Variants in NRG3 observed in about 807,000 individuals in gnomAD.
NRG3 encodes pro-neuregulin-3, membrane-bound isoform.
NRG3 carries 31 observed loss-of-function variants against 66.9 expected under a neutral mutation model. The ratio of observed to expected loss-of-function variants is 0.46; its 90% CI spans 0.35 to 0.63. The LOEUF (loss-of-function observed/expected upper bound fraction) is 0.63, where lower values mean the gene tolerates loss of function less well. Ranked by LOEUF, NRG3 falls within the 20% of genes least tolerant of loss-of-function variation. The pLI is 0.00. For synonymous variants in NRG3, 393 were observed against 359.4 expected, an observed-to-expected ratio of 1.09 and a Z score of -1.06; for missense variants, 910 against 878.9, an observed-to-expected ratio of 1.04 and a Z score of -0.45.
chr10:82,418,793 G>A (rs1448231966), intron 2 of NRG3, among the ~76,000 whole-genome samples: 1 of 151,474 alleles, frequency 6.6e-6, no homozygotes, highest in Admixed American at 6.6e-5. Context: ...TGGAGACAGA[G>A]TCTCCCTATG....
At position 82,960,227 on chromosome 10, in the gene NRG3, T is replaced by C. The variant is rs576032413; in HGVS notation, c.1284+1152T>C. On this transcript the variant is annotated intron_variant, in intron 6 of 8. Transcript: ENST00000372141. ...TTTGTTAAACTTCTATTCATGGCAA[T>C]GTGCAGGAATTGTTCATTTCAGAAA... 6.4e-4 allele frequency among the ~76,000 whole-genome samples: 98 copies of C among 152,346 alleles called. No individual in the cohort carries two copies. The Middle Eastern group carries it at 0.024, about 37-fold the overall frequency.
At chr10:82,038,426 T>G (rs755765925) in intron 1 of NRG3, among the ~76,000 whole-genome samples, 2 of 152,122 alleles carry the variant, frequency 1.3e-5, no homozygotes, top group African/African-American at 4.8e-5. Flanking sequence ...TTTTACCATT[T>G]TACCCACTTT....
At chr10:82,361,065 G>A (rs907681943) in intron 2 of NRG3, among the ~76,000 whole-genome samples, 4 of 152,018 alleles carry the variant, frequency 2.6e-5, no homozygotes, top group Admixed American at 2.0e-4. Context: ...CTTCATGTAG[G>A]GATTTTATAT....
intron 1 of NRG3, among the ~76,000 whole-genome samples, chr10:82,356,996 T>C (rs1355539736): frequency 6.6e-6 from 1 of 152,060 alleles, no homozygotes; most frequent in Non-Finnish European, 1.5e-5. Context: ...AAGGAACAGA[T>C]AAAACAAAGA....
chr10:82,922,173 A>G (rs1846490513), intron 4 of NRG3, among the ~76,000 whole-genome samples: 2 of 152,214 alleles, frequency 1.3e-5, no homozygotes, highest in Non-Finnish European at 2.9e-5. Flanking sequence ...CTATATATAT[A>G]TATGTACATA....
intron 2 of NRG3, among the ~76,000 whole-genome samples, chr10:82,426,610 A>ATTAT (rs2089460158): frequency 1.2e-5 from 1 of 81,698 alleles, no homozygotes; most frequent in African/African-American, 8.2e-5. Context: ...TATTATTATT[A>ATTAT]TTATTATTAT....
At chr10:82,148,938 G>A (rs985628350) in intron 1 of NRG3, among the ~76,000 whole-genome samples, 3 of 151,988 alleles carry the variant, frequency 2.0e-5, no homozygotes, top group African/African-American at 7.3e-5. Context: ...ATATAAATGA[G>A]TGAACCACCA....
chr10:82,060,268 T>C (rs2064072399), intron 1 of NRG3, among the ~76,000 whole-genome samples: 1 of 152,200 alleles, frequency 6.6e-6, no homozygotes, highest in East Asian at 1.9e-4. Flanking sequence ...AAGCACAATG[T>C]AGGTACACAA....
At chr10:82,726,221 C>A (rs2057588443) in intron 2 of NRG3, among the ~76,000 whole-genome samples, 1 of 152,172 alleles carries the variant, frequency 6.6e-6, no homozygotes, top group Non-Finnish European at 1.5e-5. Context: ...GCAGCCCAAC[C>A]TGATTTATAC....
chr10:82,200,423 C>A (rs766418212), intron 1 of NRG3, among the ~76,000 whole-genome samples: 1 of 152,086 alleles, frequency 6.6e-6, no homozygotes, highest in Non-Finnish European at 1.5e-5. Flanking sequence ...TGTTTTCATG[C>A]ATATTTTTGT....
intron 1 of NRG3, among the ~76,000 whole-genome samples, chr10:82,099,558 T>C (rs1378283987): frequency 1.3e-5 from 2 of 152,222 alleles, no homozygotes; most frequent in African/African-American, 4.8e-5. Context: ...TCTCATTCCC[T>C]TGACTTTCTG....
intron 2 of NRG3, among the ~76,000 whole-genome samples, chr10:82,476,904 G>T (rs553272291): frequency 6.6e-6 from 1 of 152,188 alleles, no homozygotes; most frequent in African/African-American, 2.4e-5. Flanking sequence ...TTTTTGAAAA[G>T]AATCAAAATA....
At chr10:82,021,256 A>C (rs977932826) in intron 1 of NRG3, among the ~76,000 whole-genome samples, 2 of 152,060 alleles carry the variant, frequency 1.3e-5, no homozygotes, top group African/African-American at 4.8e-5. Flanking sequence ...CATGGTAAGC[A>C]AGGCTGCCTG....
intron 2 of NRG3, among the ~76,000 whole-genome samples, chr10:82,507,338 T>C (rs1190394219): frequency 6.6e-6 from 1 of 151,718 alleles, no homozygotes; most frequent in African/African-American, 2.4e-5. Context: ...GAGAGAGAAG[T>C]GAGGTGAGAA....
At chr10:82,394,463 A>G (rs894354000) in intron 2 of NRG3, among the ~76,000 whole-genome samples, 1 of 152,122 alleles carries the variant, frequency 6.6e-6, no homozygotes, top group African/African-American at 2.4e-5. Flanking sequence ...AGACATCCAC[A>G]GTCTGGGATA....
At chr10:82,024,440 T>C (rs1166036561) in intron 1 of NRG3, among the ~76,000 whole-genome samples, 1 of 152,088 alleles carries the variant, frequency 6.6e-6, no homozygotes, top group Non-Finnish European at 1.5e-5. Flanking sequence ...TTAATATTAA[T>C]TTCACCTGTT....
At chr10:82,943,246 T>C (rs540524607) in intron 4 of NRG3, among the ~76,000 whole-genome samples, 51 of 152,354 alleles carry the variant, frequency 3.3e-4, no homozygotes, top group Middle Eastern at 3.4e-3. Context: ...AGGTATGCAA[T>C]GTTTTTCTAT....
At chr10:82,929,473 T>C (rs1591993778) in intron 4 of NRG3, among the ~76,000 whole-genome samples, 1 of 152,214 alleles carries the variant, frequency 6.6e-6, no homozygotes, top group Non-Finnish European at 1.5e-5. Context: ...ACGTGTTTAC[T>C]GGTTAAATTT....
chr10:82,443,526 A>AT (rs1245604840), intron 2 of NRG3, among the ~76,000 whole-genome samples: 2 of 152,042 alleles, frequency 1.3e-5, no homozygotes, highest in African/African-American at 4.8e-5. Context: ...TTTTACAACC[A>AT]TTTTTTTCAT....
Sources: gnomAD v4.1 joint callset for allele counts (sites outside exome capture counted in the v4.1 genomes callset) on GRCh38, gnomAD v4.1.1 for gene constraint, MANE v1.5 for transcripts, NCBI Gene and HGNC (gene_info 2026-07-23, HGNC 2026-07-21) for gene names.